PPARGC1A: variants seen among roughly 807,000 people sequenced by gnomAD.
PPARGC1A encodes PPARG coactivator 1 alpha.
A neutral mutation model predicts 88.7 loss-of-function variants in PPARGC1A; 25 were observed. That is an observed-to-expected ratio of 0.28 (90% CI 0.21 to 0.39). PPARGC1A has a LOEUF of 0.39. PPARGC1A is among the 10% of genes least tolerant of loss of function. PPARGC1A has a pLI of 1.00. For synonymous variants in PPARGC1A, 363 were observed against 355.6 expected (o/e 1.02, Z -0.24); for missense variants, 880 against 968.7 (o/e 0.91, Z 1.22).
the PPARGC1A span, among the ~76,000 whole-genome samples, chr4:24,411,811 C>A: frequency 1.1e-4 from 17 of 152,086 alleles, no homozygotes; most frequent in Admixed American, 1.1e-3. Flanking sequence ...TAGTTACATG[C>A]ATTTAAGTTT....
the PPARGC1A span, among the ~76,000 whole-genome samples, chr4:24,361,067 A>C: frequency 6.6e-6 from 1 of 152,198 alleles, no homozygotes; most frequent in African/African-American, 2.4e-5. Flanking sequence ...AAGGGCCTGC[A>C]TAAGGCATTC....
At chr4:24,221,893 C>T in the PPARGC1A span, among the ~76,000 whole-genome samples, 1 of 152,192 alleles carries the variant, frequency 6.6e-6, no homozygotes, top group African/African-American at 2.4e-5. Flanking sequence ...TCAAAGTTCA[C>T]CATTCCTTCT....
At chr4:24,200,655 C>CAAAAAAAAAAAAAAAAA in the PPARGC1A span, among the ~76,000 whole-genome samples, 2 of 88,354 alleles carry the variant, frequency 2.3e-5, 1 homozygote, top group Non-Finnish European at 4.4e-5. Flanking sequence ...ATTTATTAAG[C>CAAAAAAAAAAAAAAAAA]AAAAAAAAAA....
chr4:24,337,894 CAAA>C, the PPARGC1A span, among the ~76,000 whole-genome samples: 1 of 152,098 alleles, frequency 6.6e-6, no homozygotes, highest in Non-Finnish European at 1.5e-5. Flanking sequence ...CCATTAATGA[CAAA>C]GAGAGGTGCA....
chr4:24,231,637 A>G, the PPARGC1A span, among the ~76,000 whole-genome samples: 1 of 152,212 alleles, frequency 6.6e-6, no homozygotes, highest in African/African-American at 2.4e-5. Context: ...GAGGTCTAGT[A>G]TCTATCAGAA....
At chr4:24,356,215 AAAG>A in the PPARGC1A span, among the ~76,000 whole-genome samples, 1 of 151,014 alleles carries the variant, frequency 6.6e-6, no homozygotes, top group Admixed American at 6.6e-5. Context: ...AAAAAAAAAA[AAAG>A]AGAGAGAGGG....
the PPARGC1A span, among the ~76,000 whole-genome samples, chr4:24,170,674 C>T: frequency 6.6e-6 from 1 of 152,114 alleles, no homozygotes. Flanking sequence ...ACATTCCATC[C>T]ATTTGGTACG....
At chr4:23,837,332 T>A (rs1030369861) in intron 2 of PPARGC1A, among the ~76,000 whole-genome samples, 1 of 151,982 alleles carries the variant, frequency 6.6e-6, no homozygotes, top group African/African-American at 2.4e-5. Context: ...GTACAAAATT[T>A]AATGTGATTA....
intron 12 of PPARGC1A, among the ~76,000 whole-genome samples, chr4:23,796,254 T>G (rs57726674): frequency 0.016 from 2,407 of 152,196 alleles, 77 homozygotes; most frequent in African/African-American, 0.055. Flanking sequence ...ATAACTTAGA[T>G]GTAGACGTGA....
the PPARGC1A span, among the ~76,000 whole-genome samples, chr4:24,167,077 A>T: frequency 1.3e-5 from 2 of 152,244 alleles, no homozygotes; most frequent in Non-Finnish European, 2.9e-5. Flanking sequence ...AGGATTCACC[A>T]TTCTAGATGA....
At chr4:24,203,225 A>C in the PPARGC1A span, among the ~76,000 whole-genome samples, 1 of 152,174 alleles carries the variant, frequency 6.6e-6, no homozygotes, top group Admixed American at 6.5e-5. Context: ...AGCACAGAAA[A>C]CCTTCTGCAG....
chr4:23,798,899 G>A (rs1718130319), intron 12 of PPARGC1A, among the ~76,000 whole-genome samples: 1 of 152,110 alleles, frequency 6.6e-6, no homozygotes, highest in South Asian at 2.1e-4. Flanking sequence ...AATAGTAGCT[G>A]AAATCGTTAT....
chr4:24,195,765 C>T, the PPARGC1A span, among the ~76,000 whole-genome samples: 118 of 152,210 alleles, frequency 7.8e-4, no homozygotes, highest in African/African-American at 2.7e-3. Flanking sequence ...TTTTATGCCT[C>T]GCTATCCTTA....
At chr4:23,981,324 A>G in the PPARGC1A span, among the ~76,000 whole-genome samples, 1 of 152,152 alleles carries the variant, frequency 6.6e-6, no homozygotes, top group Non-Finnish European at 1.5e-5. Context: ...CCAGAAGAAC[A>G]TAACACATGC....
the PPARGC1A span, among the ~76,000 whole-genome samples, chr4:24,434,557 G>C: frequency 6.6e-5 from 10 of 152,198 alleles, no homozygotes; most frequent in African/African-American, 2.4e-4. Flanking sequence ...AATGCTCGGT[G>C]CACAGGGTCT....
At chr4:24,206,840 TAA>T in the PPARGC1A span, among the ~76,000 whole-genome samples, 28 of 43,670 alleles carry the variant, frequency 6.4e-4, no homozygotes, top group Non-Finnish European at 8.0e-4. Flanking sequence ...GACTTCACCT[TAA>T]AAAAAAAAAA....
At chr4:24,217,031 TG>T in the PPARGC1A span, among the ~76,000 whole-genome samples, 1 of 152,208 alleles carries the variant, frequency 6.6e-6, no homozygotes, top group Non-Finnish European at 1.5e-5. Flanking sequence ...TTACAAAGTC[TG>T]GGGCAGCCTT....
chr4:24,271,970 C>T, the PPARGC1A span, among the ~76,000 whole-genome samples: 1 of 152,082 alleles, frequency 6.6e-6, no homozygotes, highest in Non-Finnish European at 1.5e-5. Context: ...CTTTTAAGAT[C>T]CTGGTCTTCA....
chr4:24,358,221 C>T, the PPARGC1A span, among the ~76,000 whole-genome samples: 2,192 of 152,282 alleles, frequency 0.014, 34 homozygotes, highest in Middle Eastern at 0.031. Context: ...CCCCTCTGAC[C>T]CCAAAGTCTA....
Sources: gnomAD v4.1 joint callset for allele counts (sites outside exome capture counted in the v4.1 genomes callset) on GRCh38, gnomAD v4.1.1 for gene constraint, MANE v1.5 for transcripts, NCBI Gene and HGNC (gene_info 2026-07-23, HGNC 2026-07-21) for gene names.